Variants in SSBP2 observed in about 807,000 individuals in gnomAD.
SSBP2 encodes single-stranded DNA-binding protein 2.
Under a neutral mutation model 61.8 loss-of-function variants are expected in SSBP2, and 17 were observed. The ratio of observed to expected loss-of-function variants is 0.28; its 90% CI spans 0.19 to 0.41. The LOEUF is 0.41. Among genes scored for constraint, SSBP2 ranks in the 10% least tolerant of loss-of-function variants. The pLI is 1.00. For missense variants in SSBP2, 310 were observed against 458.7 expected, an observed-to-expected ratio of 0.68 and a Z score of 2.96; for synonymous variants, 139 against 141.3, an observed-to-expected ratio of 0.98 and a Z score of 0.12.
chr5:81,543,300 G>A (rs1771451354), intron 4 of SSBP2, among the ~76,000 whole-genome samples: 1 of 152,184 alleles, frequency 6.6e-6, no homozygotes, highest in African/African-American at 2.4e-5. Flanking sequence ...CCCAGTCTTA[G>A]GTAGTATCTC....
At chr5:81,732,778 A>G (rs1288423988) in intron 1 of SSBP2, among the ~76,000 whole-genome samples, 2 of 152,190 alleles carry the variant, frequency 1.3e-5, no homozygotes, top group East Asian at 3.9e-4. Context: ...ACAAAAGCAA[A>G]GTATCTTATA....
rs576835658 is a variant in SSBP2 at position 81,638,214 on chromosome 5, T to G, written c.136-1596A>C. 3.3e-5 allele frequency among the ~76,000 whole-genome samples: 5 copies of G among 151,688 alleles called. No individual in the cohort carries two copies. The East Asian group carries it at 9.7e-4, about 29-fold the overall frequency. On this transcript the variant is annotated intron_variant, in intron 2 of 16. Transcript: ENST00000320672. ...CACATGTATACATATGTAACTAACA[T>G]GCACATTGTGCACATGTACCCTAAA...
At chr5:81,489,620 A>T (rs370336268) in intron 5 of SSBP2, among the ~76,000 whole-genome samples, 1 of 152,202 alleles carries the variant, frequency 6.6e-6, no homozygotes. Context: ...AAGGTAGAGA[A>T]GCAGGCAATT....
At chr5:81,723,884 A>G (rs1315023471) in intron 1 of SSBP2, among the ~76,000 whole-genome samples, 1 of 151,952 alleles carries the variant, frequency 6.6e-6, no homozygotes, top group East Asian at 1.9e-4. Context: ...GGAAGGAGTT[A>G]TGTATTTATC....
intron 10 of SSBP2, among the ~76,000 whole-genome samples, chr5:81,457,721 G>A (rs899000171): frequency 6.6e-6 from 1 of 151,902 alleles, no homozygotes; most frequent in African/African-American, 2.4e-5. Flanking sequence ...GAGTGCAATG[G>A]CGCGATCTCG....
chr5:81,507,214 T>TA (rs1162664226), intron 5 of SSBP2, among the ~76,000 whole-genome samples: 1 of 152,164 alleles, frequency 6.6e-6, no homozygotes, highest in Non-Finnish European at 1.5e-5. Context: ...AAATGTGACT[T>TA]AAAACCTGCT....
At chr5:81,554,652 T>C (rs1358561495) in intron 4 of SSBP2, among the ~76,000 whole-genome samples, 1 of 152,020 alleles carries the variant, frequency 6.6e-6, no homozygotes, top group Non-Finnish European at 1.5e-5. Context: ...TTTTGACTTA[T>C]ATTTAAAGGA....
intron 1 of SSBP2, among the ~76,000 whole-genome samples, chr5:81,662,737 G>T (rs1581279672): frequency 1.3e-5 from 2 of 152,148 alleles, no homozygotes; most frequent in East Asian, 3.9e-4. Context: ...GGAGGCGGAG[G>T]TTGCAGCAAG....
chr5:81,479,997 T>G (rs1229115895), intron 6 of SSBP2, among the ~76,000 whole-genome samples: 4 of 152,292 alleles, frequency 2.6e-5, no homozygotes, highest in South Asian at 2.1e-4. Context: ...TAATTTTCAC[T>G]AATTTCACCA....
intron 1 of SSBP2, among the ~76,000 whole-genome samples, chr5:81,692,760 G>A (rs1049797926): frequency 6.6e-6 from 1 of 152,154 alleles, no homozygotes; most frequent in Non-Finnish European, 1.5e-5. Context: ...CCGGAGAAAG[G>A]AAAGTATCTT....
At chr5:81,477,479 G>A (rs1332740530) in intron 6 of SSBP2, among the ~76,000 whole-genome samples, 1 of 151,974 alleles carries the variant, frequency 6.6e-6, no homozygotes, top group Non-Finnish European at 1.5e-5. Context: ...TGGGAAACCC[G>A]GCCTATGTTA....
At chr5:81,492,715 A>G (rs1216979955) in intron 5 of SSBP2, among the ~76,000 whole-genome samples, 2 of 152,052 alleles carry the variant, frequency 1.3e-5, no homozygotes, top group Non-Finnish European at 2.9e-5. Flanking sequence ...ATAACATTTG[A>G]CTGGGAGTCA....
chr5:81,543,898 A>G (rs965052029), intron 4 of SSBP2, among the ~76,000 whole-genome samples: 3 of 152,232 alleles, frequency 2.0e-5, no homozygotes, highest in African/African-American at 4.8e-5. Context: ...ACAATGTAAT[A>G]TAAATAAAAT....
At chr5:81,648,954 ACT>A (rs1172983746) in intron 2 of SSBP2, among the ~76,000 whole-genome samples, 1 of 152,088 alleles carries the variant, frequency 6.6e-6, no homozygotes, top group East Asian at 1.9e-4. Context: ...TTTTGTTCAC[ACT>A]GTCTTTAAAA....
chr5:81,561,822 C>T (rs1773061690), intron 4 of SSBP2, among the ~76,000 whole-genome samples: 1 of 152,104 alleles, frequency 6.6e-6, no homozygotes, highest in Non-Finnish European at 1.5e-5. Flanking sequence ...CTTGAAAACT[C>T]ACTAAAGCAA....
chr5:81,470,409 T>C (rs1192286344), intron 8 of SSBP2, among the ~76,000 whole-genome samples: 2 of 151,854 alleles, frequency 1.3e-5, no homozygotes, highest in African/African-American at 4.8e-5. Flanking sequence ...CCACTGTATT[T>C]AGATTTAAAA....
intron 1 of SSBP2, among the ~76,000 whole-genome samples, chr5:81,680,937 T>C (rs972674450): frequency 5.3e-5 from 8 of 152,174 alleles, no homozygotes; most frequent in Admixed American, 1.3e-4. Context: ...TTGACATCTA[T>C]AGGCTACTTC....
chr5:81,646,068 A>AT (rs1749238440), intron 2 of SSBP2, among the ~76,000 whole-genome samples: 1 of 152,174 alleles, frequency 6.6e-6, no homozygotes, highest in African/African-American at 2.4e-5. Flanking sequence ...GAAAATCAAG[A>AT]TTGGGCAGCT....
intron 1 of SSBP2, among the ~76,000 whole-genome samples, chr5:81,655,978 T>C (rs1252227333): frequency 1.3e-5 from 2 of 152,220 alleles, no homozygotes; most frequent in Non-Finnish European, 2.9e-5. Context: ...ACTTACTCTT[T>C]ACTTTGCATG....
Sources: gnomAD v4.1 joint callset for allele counts (sites outside exome capture counted in the v4.1 genomes callset) on GRCh38, gnomAD v4.1.1 for gene constraint, MANE v1.5 for transcripts, NCBI Gene and HGNC (gene_info 2026-07-23, HGNC 2026-07-21) for gene names.